Variants in MYLK observed in about 807,000 individuals in gnomAD.
MYLK encodes myosin light chain kinase.
MYLK carries 106 observed loss-of-function variants against 203.4 expected under a neutral mutation model. The ratio of observed to expected loss-of-function variants is 0.52; its 90% CI spans 0.45 to 0.61. The LOEUF is 0.61. MYLK is among the 20% of genes least tolerant of loss of function. The probability of loss-of-function intolerance (pLI) is 0.00; values close to 1 mark genes in which losing one functional copy is unlikely to be tolerated. For missense variants in MYLK, 2,072 were observed against 2,442.3 expected (o/e 0.85, Z 3.20); for synonymous variants, 867 against 959.5 (o/e 0.90, Z 1.78).
At chr3:123,875,294 A>G (rs1157878755) in intron 2 of MYLK, among the ~76,000 whole-genome samples, 1 of 152,186 alleles carries the variant, frequency 6.6e-6, no homozygotes, top group African/African-American at 2.4e-5. Flanking sequence ...ACAAAAACGA[A>G]TAACCTATTG....
chr3:123,752,467 G>A lies in MYLK; in HGVS notation c.237C>T (p.Phe79=), dbSNP rs2063227339. ...TCCCCCGGATGCCGCAATCCAGCAG[G>A]AAGCGGCCCCCGCTGGTGATGGGTT... ...NGQPITSGGR[F]LLDCGIRGTF... The change falls in exon 5 of 34, where the codon TTC becomes TTT. Residue 79 remains phenylalanine, a synonymous_variant. Coordinates refer to ENST00000360304, the MANE Select transcript of MYLK (RefSeq NM_053025.4). 1.2e-6 allele frequency: 2 copies of A among 1,614,196 alleles called. No individual in the cohort carries two copies. The highest frequency in any genetic ancestry group is 1.3e-5 in the African/African-American group (1 of 75,060).
At chr3:123,835,417 G>A (rs926163519) in intron 2 of MYLK, among the ~76,000 whole-genome samples, 2 of 152,170 alleles carry the variant, frequency 1.3e-5, no homozygotes, top group African/African-American at 4.8e-5. Flanking sequence ...TCTGTGGCAG[G>A]CAACTGATCA....
chr3:123,822,558 C>T (rs1313218863), intron 3 of MYLK, among the ~76,000 whole-genome samples: 1 of 152,208 alleles, frequency 6.6e-6, no homozygotes, highest in African/African-American at 2.4e-5. Flanking sequence ...AATCCCACTG[C>T]TGCATCAATC....
intron 11 of MYLK, among the ~76,000 whole-genome samples, chr3:123,729,490 G>A (rs2062403186): frequency 1.3e-5 from 2 of 152,210 alleles, no homozygotes; most frequent in African/African-American, 4.8e-5. Context: ...CATGGGTAAA[G>A]TATTTGAATA....
chr3:123,764,312 A>ACTTGT (rs1560188342), intron 4 of MYLK, among the ~76,000 whole-genome samples: 1 of 152,202 alleles, frequency 6.6e-6, no homozygotes, highest in African/African-American at 2.4e-5. Flanking sequence ...GGAAATACAA[A>ACTTGT]GTTCCAGGTG....
intron 4 of MYLK, among the ~76,000 whole-genome samples, chr3:123,761,486 C>T (rs2063532289): frequency 6.6e-6 from 1 of 152,180 alleles, no homozygotes. Context: ...TTTATGCCAC[C>T]TGTATCCATG....
intron 13 of MYLK, among the ~76,000 whole-genome samples, chr3:123,721,795 A>G: frequency 6.7e-6 from 1 of 148,458 alleles, no homozygotes; most frequent in Admixed American, 6.8e-5. Flanking sequence ...TCTTTCCCCC[A>G]TACCTTTCCA....
At chr3:123,737,599 GTCC>G in intron 7 of MYLK, 56 bp from the exon 8 acceptor site, 1 of 1,606,158 alleles carries the variant, frequency 6.2e-7, no homozygotes, top group Non-Finnish European at 8.5e-7. Flanking sequence ...TTCTGGCTGT[GTCC>G]TCCTGCCTCC....
intron 11 of MYLK, 92 bp downstream of exon 11, chr3:123,732,804 G>A: frequency 8.0e-7 from 1 of 1,250,022 alleles, no homozygotes; most frequent in Non-Finnish European, 1.2e-6. Flanking sequence ...AAGGCAGGGG[G>A]CTATAGGAGA....
At chr3:123,733,511 A>G (rs1051599109) in intron 10 of MYLK, among the ~76,000 whole-genome samples, 176 bp downstream of exon 10, 1 of 152,186 alleles carries the variant, frequency 6.6e-6, no homozygotes, top group African/African-American at 2.4e-5. Flanking sequence ...AATAAAGGGC[A>G]TTTCTACAAT....
At chr3:123,857,876 G>C (rs2031552408) in intron 2 of MYLK, among the ~76,000 whole-genome samples, 1 of 152,046 alleles carries the variant, frequency 6.6e-6, no homozygotes, top group African/African-American at 2.4e-5. Flanking sequence ...TTCAATCCTG[G>C]GGCAAATCCA....
chr3:123,662,393 T>C (rs1411305360), intron 23 of MYLK, among the ~76,000 whole-genome samples: 1 of 150,712 alleles, frequency 6.6e-6, no homozygotes, highest in Admixed American at 6.7e-5. Context: ...GAGATGAAGA[T>C]AGGGGAGAAA....
intron 3 of MYLK, among the ~76,000 whole-genome samples, chr3:123,816,104 A>C (rs1264849579): frequency 6.6e-5 from 10 of 152,268 alleles, no homozygotes; most frequent in African/African-American, 2.4e-4. Context: ...TTATAATGAT[A>C]TCAACACTTC....
intron 20 of MYLK, among the ~76,000 whole-genome samples, chr3:123,676,277 G>T (rs2060069949): frequency 6.6e-6 from 1 of 152,172 alleles, no homozygotes; most frequent in Non-Finnish European, 1.5e-5. Flanking sequence ...GGGAGTAACT[G>T]GGAGTTGGTG....
chr3:123,626,971 G>C (rs2058177489), intron 30 of MYLK, 30 bp from the exon 31 acceptor site: 1 of 1,613,540 alleles, frequency 6.2e-7, no homozygotes, highest in Non-Finnish European at 8.5e-7. Flanking sequence ...GGAGATTTTT[G>C]AGCAGGAGGA....
intron 30 of MYLK, among the ~76,000 whole-genome samples, chr3:123,628,789 C>T (rs891148615): frequency 6.6e-6 from 1 of 152,200 alleles, no homozygotes; most frequent in African/African-American, 2.4e-5. Flanking sequence ...CCTGACCTTT[C>T]CCCACAGCCC....
chr3:123,791,494 C>A (rs2064781233), intron 4 of MYLK, among the ~76,000 whole-genome samples: 1 of 152,218 alleles, frequency 6.6e-6, no homozygotes, highest in Non-Finnish European at 1.5e-5. Flanking sequence ...GCTTCCAGGG[C>A]ATTTTCTTCT....
chr3:123,712,175 G>C (rs1370063505), intron 13 of MYLK, among the ~76,000 whole-genome samples: 2 of 152,220 alleles, frequency 1.3e-5, no homozygotes, highest in African/African-American at 4.8e-5. Context: ...GCCGCCAGGG[G>C]CCTTGGCAGA....
At position 123,638,078 on chromosome 3, in the gene MYLK, A is replaced by G. The variant is rs1173293040; in HGVS notation, c.4954T>C (p.Tyr1652His). ...AAGTGCCCCAGGACTCACAGGATGT[A>G]GCAGATGACCCCGATGCTCCACATG... Reference protein sequence around the residue: ...TDMWSIGVICYILVSGLSPFM... With the variant: ...TDMWSIGVICHILVSGLSPFM... Residue 1652 changes from tyrosine (Y) to histidine (H), a missense_variant, in exon 29 of 34, where the codon TAC becomes CAC. By Grantham distance (83) the Tyr-to-His change is moderately conservative (BLOSUM62 2). Transcript: ENST00000360304. 6.2e-7 allele frequency: 1 copy of G among 1,614,088 alleles called. No individual in the cohort carries two copies. Among genetic ancestry groups the G allele is most frequent in the African/African-American group, 1.3e-5 (1 of 75,068 alleles).
Sources: allele counts gnomAD v4.1 joint callset (sites outside exome capture counted in the v4.1 genomes callset), GRCh38; gene constraint gnomAD v4.1.1; transcripts MANE v1.5; gene names NCBI Gene and HGNC (gene_info 2026-07-23, HGNC 2026-07-21).